The following NRG3 variants were observed in gnomAD, a reference collection of about 807,000 sequenced individuals.
The protein encoded by NRG3 is neuregulin 3, also known as pro-neuregulin-3, membrane-bound isoform.
NRG3 carries 31 observed loss-of-function variants against 66.9 expected under a neutral mutation model. That is an observed-to-expected ratio of 0.46 (90% CI 0.35 to 0.63). The LOEUF is 0.63. Among genes scored for constraint, NRG3 ranks in the 20% least tolerant of loss-of-function variants. The probability of loss-of-function intolerance (pLI) is 0.00; values close to 1 mark genes in which losing one functional copy is unlikely to be tolerated. For synonymous variants in NRG3, 393 were observed against 359.4 expected (o/e 1.09, Z -1.06); for missense variants, 910 against 878.9 (o/e 1.04, Z -0.45).
intron 1 of NRG3, among the ~76,000 whole-genome samples, chr10:82,258,391 G>A (rs2077848213): frequency 6.6e-6 from 1 of 152,082 alleles, no homozygotes; most frequent in African/African-American, 2.4e-5. Context: ...AGTTTTGCCA[G>A]AGATATGGCA....
At chr10:82,423,673 T>C (rs1008110339) in intron 2 of NRG3, among the ~76,000 whole-genome samples, 3 of 152,036 alleles carry the variant, frequency 2.0e-5, no homozygotes, top group African/African-American at 7.2e-5. Flanking sequence ...ATTCACATAC[T>C]ATGTAATCCC....
intron 2 of NRG3, among the ~76,000 whole-genome samples, chr10:82,446,930 A>G (rs967913264): frequency 6.6e-6 from 1 of 152,218 alleles, no homozygotes; most frequent in African/African-American, 2.4e-5. Context: ...TCAGGAATCT[A>G]TATACCTGCT....
intron 2 of NRG3, among the ~76,000 whole-genome samples, chr10:82,645,523 C>T (rs1283345631): frequency 2.0e-5 from 3 of 152,166 alleles, no homozygotes; most frequent in Non-Finnish European, 2.9e-5. Flanking sequence ...GCTCCAAAGT[C>T]ATTCTTCAAT....
intron 1 of NRG3, among the ~76,000 whole-genome samples, chr10:81,996,417 C>T (rs1385737705): frequency 6.6e-6 from 1 of 152,022 alleles, no homozygotes. Context: ...CCCTCTGTCA[C>T]AATATAGTAA....
chr10:82,451,961 T>A (rs1460049758), intron 2 of NRG3, among the ~76,000 whole-genome samples: 1 of 152,112 alleles, frequency 6.6e-6, no homozygotes, highest in East Asian at 1.9e-4. Context: ...AATAAAAAAA[T>A]GTTATCTCTA....
At chr10:82,184,519 A>G (rs1196586538) in intron 1 of NRG3, among the ~76,000 whole-genome samples, 2 of 152,304 alleles carry the variant, frequency 1.3e-5, no homozygotes, top group East Asian at 3.9e-4. Flanking sequence ...GAGGCCTTTT[A>G]TCATAGAACA....
In NRG3 at chr10:82,622,477, C is replaced by T. The variant is rs1313859725; in HGVS notation, c.954-116100C>T. Among the ~76,000 whole-genome samples, 3 of 152,242 alleles carry T rather than the reference C, an allele frequency of 2.0e-5. No homozygotes were observed. In the East Asian group the frequency reaches 5.8e-4, roughly 29 times the overall value. On this transcript the variant is annotated intron_variant, in intron 2 of 8. Coordinates refer to ENST00000372141, the MANE Select transcript of NRG3 (RefSeq NM_001010848.4). ...CCCCATTTCAAATCATTTCTTAAACCTAAAAACAGAAATTATACACGCACA... is the reference window on the plus strand; with the variant it reads ...CCCCATTTCAAATCATTTCTTAAACTTAAAAACAGAAATTATACACGCACA...
At chr10:82,150,218 A>G (rs1564612206) in intron 1 of NRG3, among the ~76,000 whole-genome samples, 1 of 152,148 alleles carries the variant, frequency 6.6e-6, no homozygotes, top group Admixed American at 6.6e-5. Context: ...CTCTCTGCAC[A>G]TATTTTACAT....
At chr10:82,068,427 C>T (rs1312829053) in intron 1 of NRG3, among the ~76,000 whole-genome samples, 1 of 152,162 alleles carries the variant, frequency 6.6e-6, no homozygotes, top group Non-Finnish European at 1.5e-5. Context: ...ACATGATAGG[C>T]TCTGTATTAG....
chr10:81,999,082 C>T (rs61862908), intron 1 of NRG3, among the ~76,000 whole-genome samples: 18 of 152,154 alleles, frequency 1.2e-4, no homozygotes, highest in Non-Finnish European at 1.8e-4. Context: ...GGTTTATAGG[C>T]GTGAGCCACG....
intron 1 of NRG3, among the ~76,000 whole-genome samples, chr10:81,879,691 G>T (rs748631450): frequency 2.0e-5 from 3 of 152,066 alleles, no homozygotes; most frequent in Non-Finnish European, 4.4e-5. Flanking sequence ...AGGTATGGAG[G>T]CAATTTTAAT....
At chr10:82,146,009 T>A (rs2132703534) in intron 1 of NRG3, among the ~76,000 whole-genome samples, 1 of 152,296 alleles carries the variant, frequency 6.6e-6, no homozygotes, top group Non-Finnish European at 1.5e-5. Context: ...AAAATCATAT[T>A]TGCTGGGAGT....
intron 3 of NRG3, among the ~76,000 whole-genome samples, chr10:82,837,986 G>T (rs1017470459): frequency 6.6e-6 from 1 of 152,088 alleles, no homozygotes; most frequent in African/African-American, 2.4e-5. Flanking sequence ...ACCACTGATA[G>T]GCTCAATAGA....
At chr10:82,747,267 G>A (rs566635975) in intron 3 of NRG3, among the ~76,000 whole-genome samples, 67 of 151,436 alleles carry the variant, frequency 4.4e-4, no homozygotes, top group Non-Finnish European at 6.9e-4. Flanking sequence ...AGAATTTAAC[G>A]TAAATTATTT....
chr10:82,573,188 G>A (rs1342010098), intron 2 of NRG3, among the ~76,000 whole-genome samples: 3 of 151,770 alleles, frequency 2.0e-5, no homozygotes, highest in African/African-American at 7.2e-5. Context: ...TAAATGTACT[G>A]CATTGCCTTT....
intron 1 of NRG3, among the ~76,000 whole-genome samples, chr10:82,306,425 C>A (rs1031508050): frequency 6.6e-6 from 1 of 151,984 alleles, no homozygotes; most frequent in Non-Finnish European, 1.5e-5. Context: ...AGAATTCGGC[C>A]GAGTGCGGTG....
At chr10:81,966,991 AAATT>A (rs2059755053) in intron 1 of NRG3, among the ~76,000 whole-genome samples, 1 of 152,142 alleles carries the variant, frequency 6.6e-6, no homozygotes, top group Middle Eastern at 3.4e-3. Flanking sequence ...ATAGGTTATG[AAATT>A]AATTGAGCAT....
At chr10:81,962,729 C>G (rs1011208165) in intron 1 of NRG3, among the ~76,000 whole-genome samples, 2 of 152,156 alleles carry the variant, frequency 1.3e-5, no homozygotes, top group Admixed American at 6.5e-5. Context: ...GCTAGGGTGG[C>G]AGGGGCTAGA....
At chr10:82,107,765 G>A (rs1289477412) in intron 1 of NRG3, among the ~76,000 whole-genome samples, 4 of 152,120 alleles carry the variant, frequency 2.6e-5, no homozygotes, top group Admixed American at 2.6e-4. Context: ...ATGAATGAGT[G>A]TAACAATCAC....
Sources: allele counts gnomAD v4.1 joint callset (sites outside exome capture counted in the v4.1 genomes callset), GRCh38; gene constraint gnomAD v4.1.1; transcripts MANE v1.5; gene names NCBI Gene and HGNC (gene_info 2026-07-23, HGNC 2026-07-21).